The following DYNC1I2 variants were observed in gnomAD, a reference collection of about 807,000 sequenced individuals.
The protein encoded by DYNC1I2 is dynein cytoplasmic 1 intermediate chain 2.
In DYNC1I2, 53 loss-of-function variants were observed where a neutral mutation model predicts 88.6. The ratio of observed to expected loss-of-function variants is 0.60; its 90% CI spans 0.48 to 0.75. The LOEUF is 0.75. DYNC1I2 is among the 30% of genes least tolerant of loss of function. The pLI is 0.00. For missense variants in DYNC1I2, 458 were observed against 766.6 expected, an observed-to-expected ratio of 0.60 and a Z score of 4.75; for synonymous variants, 198 against 254.6, an observed-to-expected ratio of 0.78 and a Z score of 2.12.
intron 15 of DYNC1I2, among the ~76,000 whole-genome samples, chr2:171,736,452 T>C (rs541233528): frequency 6.6e-6 from 1 of 152,344 alleles, no homozygotes; most frequent in Admixed American, 6.5e-5. Flanking sequence ...CAGCTCATTG[T>C]TTCCCTGTAG....
At chr2:171,690,875 C>G (rs575106012) in intron 2 of DYNC1I2, among the ~76,000 whole-genome samples, 2 of 151,996 alleles carry the variant, frequency 1.3e-5, no homozygotes, top group South Asian at 2.1e-4. Flanking sequence ...AGGCTGGTCT[C>G]GAACTCCTGA....
chr2:171,698,181 A>G (rs112309360), intron 3 of DYNC1I2, among the ~76,000 whole-genome samples: 2,500 of 152,262 alleles, frequency 0.016, 57 homozygotes, highest in African/African-American at 0.053. Flanking sequence ...TATTTAATTA[A>G]GAGTTGCAGC....
intron 3 of DYNC1I2, among the ~76,000 whole-genome samples, chr2:171,694,358 G>A (rs1685602526): frequency 6.6e-6 from 1 of 152,096 alleles, no homozygotes; most frequent in African/African-American, 2.4e-5. Flanking sequence ...ACTGAGGCTG[G>A]GTAACTTGAA....
In DYNC1I2 at chr2:171,687,611, C is replaced by T. The variant is rs779775704; in HGVS notation, c.-26C>T. The T allele has an allele frequency of 6.6e-6, 1 of 152,222 alleles. No individual in the cohort carries two copies. Among genetic ancestry groups the T allele is most frequent in the Admixed American group, 6.5e-5 (1 of 15,286 alleles). 9.4% of individuals were successfully genotyped at this position (152,222 alleles called of 1,614,324 possible). A position where few individuals can be genotyped will look rare whatever the true frequency, so the allele number is the denominator to read the frequency against. The stretch of plus-strand genomic sequence containing the variant: ...CTGGGTTCTTTGTTTTATCTACCGG[C>T]TTCTGCTTTACGACAGGTAAGTCAC... On this transcript the variant is annotated 5_prime_UTR_variant, in exon 1 of 18. Transcript: ENST00000397119.
intron 7 of DYNC1I2, among the ~76,000 whole-genome samples, chr2:171,717,543 C>T (rs939706475): frequency 1.2e-4 from 19 of 152,098 alleles, no homozygotes; most frequent in African/African-American, 3.6e-4. Context: ...AAGAAACACA[C>T]TGATGGTAAA....
rs560594412 is a variant in DYNC1I2, at chr2:171,726,305, C to A, written c.870+12C>A. 75 of 1,563,952 alleles carry A rather than the reference C, an allele frequency of 4.8e-5. No homozygotes were observed. The African/African-American group carries it at 9.8e-4, about 20-fold the overall frequency. ...ATTGGTCATCTCAGGTAAAATATAA[C>A]AAAATAGGCCGCTCTTAACTCATTT... On this transcript the variant is annotated intron_variant, in intron 10 of 17. Coordinates refer to ENST00000397119, the MANE Select transcript of DYNC1I2 (RefSeq NM_001378.3).
At chr2:171,697,948 C>T (rs891931296) in intron 3 of DYNC1I2, among the ~76,000 whole-genome samples, 1 of 152,120 alleles carries the variant, frequency 6.6e-6, no homozygotes, top group Non-Finnish European at 1.5e-5. Context: ...GATGTTGTGT[C>T]CTTCATATTG....
chr2:171,712,696 T>TAG, intron 5 of DYNC1I2, 71 bp from the exon 6 acceptor site: 1 of 1,051,326 alleles, frequency 9.5e-7, no homozygotes, highest in Non-Finnish European at 1.5e-6. Flanking sequence ...TAGCTATTCA[T>TAG]AGAATGTATT....
chr2:171,715,770 T>C (rs1687446731), intron 7 of DYNC1I2, among the ~76,000 whole-genome samples: 2 of 152,156 alleles, frequency 1.3e-5, no homozygotes, highest in Admixed American at 1.3e-4. Flanking sequence ...ATTTTCTGTT[T>C]CTGTCATTGA....
At chr2:171,715,915 T>C (rs1687457288) in intron 7 of DYNC1I2, among the ~76,000 whole-genome samples, 1 of 152,230 alleles carries the variant, frequency 6.6e-6, no homozygotes, top group Non-Finnish European at 1.5e-5. Flanking sequence ...ATTTTCTCTT[T>C]TATGATATAG....
chr2:171,719,831 A>C (rs577924405), intron 7 of DYNC1I2, among the ~76,000 whole-genome samples: 1 of 152,184 alleles, frequency 6.6e-6, no homozygotes, highest in Admixed American at 6.5e-5. Context: ...TTGCTGTCTT[A>C]AAGCGCCTAC....
chr2:171,727,978 A>G lies in DYNC1I2; in HGVS notation c.1143+11A>G. 6.2e-7 allele frequency: 1 copy of G among 1,610,996 alleles called. No homozygotes were observed. Among genetic ancestry groups the G allele is most frequent in the East Asian group, 2.2e-5 (1 of 44,786 alleles). ...GCAGCTGCACACACAGTAAGTAAAT[A>G]AGGTTATTTCCATTAGGCTTCTGTG... On this transcript the variant is annotated intron_variant, in intron 12 of 17. Transcript: ENST00000397119.
At chr2:171,708,604 A>C (rs942423497) in intron 5 of DYNC1I2, among the ~76,000 whole-genome samples, 1 of 152,106 alleles carries the variant, frequency 6.6e-6, no homozygotes, top group Non-Finnish European at 1.5e-5. Context: ...GAATAAAGAC[A>C]ATTTGTCTAG....
chr2:171,725,741 A>G (rs764081311), intron 8 of DYNC1I2, 28 bp downstream of exon 8: 4 of 1,434,026 alleles, frequency 2.8e-6, no homozygotes, highest in African/African-American at 3.2e-5. Context: ...ACTTTAAAAC[A>G]TTTTGTTGAT....
rs772719990 is a variant in DYNC1I2 at position 171,728,432 on chromosome 2, G to T, written c.1257+14G>T. ...TCCCATCCACAGGTGGGTTAAACTT[G>T]GGAAACTGAAATTTTGAGGCAAATG... is the stretch of plus-strand genomic sequence containing the variant. On this transcript the variant is annotated intron_variant, in intron 13 of 17. Transcript: ENST00000397119. The T allele has an allele frequency of 6.7e-7, 1 of 1,497,912 alleles. No individual in the cohort carries two copies. The highest frequency in any genetic ancestry group is 9.1e-7 in the Non-Finnish European group (1 of 1,095,522). The allele number at this position is 1,497,912 out of a possible 1,614,324, so 92.8% of individuals were successfully genotyped here. A position where few individuals can be genotyped will look rare whatever the true frequency, so the allele number is the denominator to read the frequency against.
chr2:171,729,704 A>G lies in DYNC1I2; in HGVS notation c.1392-5A>G. The G allele has an allele frequency of 6.2e-7, 1 of 1,612,096 alleles. No individual in the cohort carries two copies. Among genetic ancestry groups the G allele is most frequent in the South Asian group, 1.1e-5 (1 of 90,986 alleles). ...TCTCTAACATTTTCACTTTTATGAA[A>G]TTAGCAAAGCTGGAATCAGTGAGAT... On this transcript the variant is annotated splice_polypyrimidine_tract_variant and splice_region_variant and intron_variant, in intron 14 of 17. Transcript: ENST00000397119.
intron 2 of DYNC1I2, 83 bp downstream of exon 2, chr2:171,690,346 G>A: frequency 3.1e-6 from 3 of 982,626 alleles, no homozygotes; most frequent in Non-Finnish European, 4.4e-6. Context: ...CATATAGGTT[G>A]GTGCAAAAGT....
At chr2:171,712,177 G>A (rs757805686) in intron 5 of DYNC1I2, among the ~76,000 whole-genome samples, 2 of 152,164 alleles carry the variant, frequency 1.3e-5, no homozygotes, top group Non-Finnish European at 2.9e-5. Flanking sequence ...GCCCAAGGCG[G>A]TGCTTAACCC....
At position 171,724,991 on chromosome 2, in the gene DYNC1I2, A is replaced by G. The variant is rs1214011832; in HGVS notation, c.512-627A>G. 2.6e-5 allele frequency among the ~76,000 whole-genome samples: 4 copies of G among 152,352 alleles called. No individual in the cohort carries two copies. The East Asian group carries it at 7.7e-4, about 29-fold the overall frequency. On this transcript the variant is annotated intron_variant, in intron 7 of 17. Transcript: ENST00000397119. Reference sequence around the variant, plus strand: ...TTAAGTGCTTATTGCCACATCATGTAACAATAGATAATGAGACTTGCATTT... The same window carrying G: ...TTAAGTGCTTATTGCCACATCATGTGACAATAGATAATGAGACTTGCATTT...
Sources: allele counts gnomAD v4.1 joint callset (sites outside exome capture counted in the v4.1 genomes callset), GRCh38; gene constraint gnomAD v4.1.1; transcripts MANE v1.5; gene names NCBI Gene and HGNC (gene_info 2026-07-23, HGNC 2026-07-21).